Variants in KIAA0825 observed in about 807,000 individuals in gnomAD.
KIAA0825 encodes the protein uncharacterized protein KIAA0825.
Under a neutral mutation model 147.6 loss-of-function variants are expected in KIAA0825, and 119 were observed. That is an observed-to-expected ratio of 0.81 (90% CI 0.69 to 0.94). The LOEUF is 0.94. Ranked by LOEUF, KIAA0825 falls within the 40% of genes least tolerant of loss-of-function variation. KIAA0825 has a pLI of 0.00. For missense variants in KIAA0825, 1,381 were observed against 1,472.7 expected (o/e 0.94, Z 1.02); for synonymous variants, 470 against 518.1 (o/e 0.91, Z 1.26).
At chr5:94,593,453 A>C (rs979924251) in intron 1 of KIAA0825, 1 of 709,312 alleles carries the variant, frequency 1.4e-6, no homozygotes. Context: ...TCTGAGGTCA[A>C]CGTTGCAAAA....
At chr5:94,203,718 T>C (rs1771901678) in intron 20 of KIAA0825, among the ~76,000 whole-genome samples, 2 of 152,182 alleles carry the variant, frequency 1.3e-5, no homozygotes, top group South Asian at 2.1e-4. Context: ...TGCACAGATA[T>C]TGTAAATTAC....
intron 20 of KIAA0825, among the ~76,000 whole-genome samples, chr5:94,296,738 G>C (rs931896967): frequency 7.2e-5 from 11 of 152,100 alleles, no homozygotes; most frequent in African/African-American, 2.4e-4. Context: ...TGCAACCACT[G>C]TCTAACCAGT....
intron 20 of KIAA0825, among the ~76,000 whole-genome samples, chr5:94,198,711 A>C (rs534129406): frequency 1.2e-4 from 18 of 152,242 alleles, no homozygotes; most frequent in African/African-American, 4.3e-4. Context: ...ATGTACACCT[A>C]TGTGCCTAGA....
At chr5:94,281,629 C>A (rs1777470594) in intron 20 of KIAA0825, among the ~76,000 whole-genome samples, 1 of 152,076 alleles carries the variant, frequency 6.6e-6, no homozygotes, top group South Asian at 2.1e-4. Flanking sequence ...CTGCCTCCTG[C>A]ATTGTAGGAT....
At chr5:94,417,768 T>C (rs1349148668) in intron 14 of KIAA0825, among the ~76,000 whole-genome samples, 1 of 152,178 alleles carries the variant, frequency 6.6e-6, no homozygotes. Flanking sequence ...CAACTAGGAA[T>C]ACTAACATTG....
chr5:94,312,354 A>T (rs1779263206), intron 20 of KIAA0825, among the ~76,000 whole-genome samples: 1 of 151,632 alleles, frequency 6.6e-6, no homozygotes, highest in Non-Finnish European at 1.5e-5. Context: ...CAAGTATGAG[A>T]TAATCTTAGA....
chr5:94,409,732 C>A (rs1182126631), intron 15 of KIAA0825, among the ~76,000 whole-genome samples: 2 of 152,104 alleles, frequency 1.3e-5, no homozygotes, highest in Non-Finnish European at 2.9e-5. Flanking sequence ...ATCTGACATT[C>A]AAAGGACACC....
At chr5:94,531,069 T>C (rs1318860821) in intron 3 of KIAA0825, among the ~76,000 whole-genome samples, 1 of 152,220 alleles carries the variant, frequency 6.6e-6, no homozygotes, top group Non-Finnish European at 1.5e-5. Flanking sequence ...TATTGTCTTA[T>C]GCTTATTTGG....
intron 14 of KIAA0825, among the ~76,000 whole-genome samples, chr5:94,429,814 G>T (rs1755420644): frequency 1.3e-5 from 2 of 152,060 alleles, no homozygotes; most frequent in African/African-American, 4.8e-5. Flanking sequence ...CTTGGAGCTG[G>T]GAAACCACCT....
chr5:94,315,030 T>G (rs1393401660), intron 20 of KIAA0825, among the ~76,000 whole-genome samples: 1 of 151,628 alleles, frequency 6.6e-6, no homozygotes, highest in African/African-American at 2.4e-5. Flanking sequence ...TAACAGGCAA[T>G]AGCTAGGGAT....
At chr5:94,294,348 T>C (rs564360784) in intron 20 of KIAA0825, among the ~76,000 whole-genome samples, 11 of 152,334 alleles carry the variant, frequency 7.2e-5, no homozygotes, top group African/African-American at 2.6e-4. Flanking sequence ...CCTCAGCATT[T>C]ACTTGTCTGT....
At chr5:94,327,006 T>C (rs1444012566) in intron 20 of KIAA0825, among the ~76,000 whole-genome samples, 1 of 152,174 alleles carries the variant, frequency 6.6e-6, no homozygotes, top group Non-Finnish European at 1.5e-5. Context: ...TTCCCACACA[T>C]TTAAAACTAT....
intron 17 of KIAA0825, among the ~76,000 whole-genome samples, chr5:94,394,968 T>A (rs1435781312): frequency 6.6e-6 from 1 of 152,188 alleles, no homozygotes; most frequent in Non-Finnish European, 1.5e-5. Context: ...GTCTTATAGA[T>A]TAACATAGAC....
intron 20 of KIAA0825, among the ~76,000 whole-genome samples, chr5:94,332,196 T>G (rs76432568): frequency 1.4e-5 from 2 of 147,420 alleles, no homozygotes; most frequent in African/African-American, 5.0e-5. Flanking sequence ...AAATCAGAAA[T>G]AGAAGGAATT....
At chr5:94,520,023 G>A (rs1767863615) in intron 5 of KIAA0825, 1 of 1,138,332 alleles carries the variant, frequency 8.8e-7, no homozygotes, top group Non-Finnish European at 1.1e-6. Context: ...AGTATTTTTG[G>A]CTTATATTTC....
chr5:94,544,745 A>C (rs1032031967), intron 2 of KIAA0825, among the ~76,000 whole-genome samples: 2 of 152,218 alleles, frequency 1.3e-5, no homozygotes, highest in African/African-American at 4.8e-5. Context: ...GCAAAAAATT[A>C]TGAGACTTTT....
At chr5:94,529,099 A>T (rs910887887) in intron 3 of KIAA0825, among the ~76,000 whole-genome samples, 1 of 151,414 alleles carries the variant, frequency 6.6e-6, no homozygotes, top group East Asian at 1.9e-4. Context: ...AACAGATTTG[A>T]CGAGAAGCTA....
chr5:94,610,083 T>C lies in KIAA0825; in HGVS notation c.-153+8417A>G, dbSNP rs529418351. On this transcript the variant is annotated intron_variant, in intron 1 of 20. Coordinates refer to ENST00000682413, the MANE Select transcript of KIAA0825 (RefSeq NM_001145678.3). ...ACTTGCATTTTTAAAATGAAAAATA[T>C]TTGATGAGCTAAAGTTTGAAAAGTC... Among the ~76,000 whole-genome samples the C allele has an allele frequency of 2.6e-5, 4 of 152,200 alleles. No homozygotes were observed. The South Asian group carries it at 8.3e-4, about 32-fold the overall frequency.
At chr5:94,370,420 T>A (rs1424350581) in intron 20 of KIAA0825, among the ~76,000 whole-genome samples, 1 of 152,198 alleles carries the variant, frequency 6.6e-6, no homozygotes, top group Non-Finnish European at 1.5e-5. Context: ...CTTCAGTAAT[T>A]CTTTAAAAAA....
Sources: allele counts gnomAD v4.1 joint callset (sites outside exome capture counted in the v4.1 genomes callset), GRCh38; gene constraint gnomAD v4.1.1; transcripts MANE v1.5; gene names NCBI Gene and HGNC (gene_info 2026-07-23, HGNC 2026-07-21).